LRRC4C: variants seen among roughly 807,000 people sequenced by gnomAD.
LRRC4C encodes the protein leucine-rich repeat-containing protein 4C.
In LRRC4C, 5 loss-of-function variants were observed where a neutral mutation model predicts 33.6. The ratio of observed to expected loss-of-function variants is 0.15; its 90% CI spans 0.08 to 0.31. The LOEUF is 0.31. Ranked by LOEUF, LRRC4C falls within the 10% of genes least tolerant of loss-of-function variation. The pLI, the probability that LRRC4C is intolerant of heterozygous loss-of-function variation, is 1.00. For synonymous variants in LRRC4C, 329 were observed against 302.0 expected (o/e 1.09, Z -0.93); for missense variants, 560 against 796.7 (o/e 0.70, Z 3.58).
chr11:40,952,663 C>T (rs181315615), intron 1 of LRRC4C, among the ~76,000 whole-genome samples: 10 of 152,020 alleles, frequency 6.6e-5, no homozygotes, highest in South Asian at 2.1e-4. Context: ...TCCAACAAGA[C>T]GCTCCAGGAG....
intron 1 of LRRC4C, among the ~76,000 whole-genome samples, chr11:41,187,649 C>G (rs1173285116): frequency 6.6e-6 from 1 of 152,224 alleles, no homozygotes; most frequent in Non-Finnish European, 1.5e-5. Context: ...AGAAAGCCCT[C>G]TGTCCTTGCA....
chr11:40,255,736 G>C (rs1707893576), intron 4 of LRRC4C, among the ~76,000 whole-genome samples: 1 of 152,096 alleles, frequency 6.6e-6, no homozygotes, highest in Admixed American at 6.6e-5. Flanking sequence ...TCTAGCCTTA[G>C]GATAAGAAGC....
At position 40,321,855 on chromosome 11, in the gene LRRC4C, A is replaced by G. The variant is rs1279191332; in HGVS notation, c.-269-2134T>C. Among the ~76,000 whole-genome samples the G allele has an allele frequency of 3.3e-5, 5 of 152,078 alleles. No homozygotes were observed. The East Asian group carries it at 5.8e-4, about 18-fold the overall frequency. On this transcript the variant is annotated intron_variant, in intron 3 of 6. Transcript: ENST00000528697. ...AAAATGATGTCTCCTCCTTCTTTCA[A>G]TCTGAGTTTTCTACTTGGTATTTAA...
chr11:40,156,498 G>C (rs1858700288), intron 5 of LRRC4C, among the ~76,000 whole-genome samples: 1 of 152,052 alleles, frequency 6.6e-6, no homozygotes, highest in Non-Finnish European at 1.5e-5. Context: ...ATTCAGCAAA[G>C]TTTCTGGATA....
intron 1 of LRRC4C, among the ~76,000 whole-genome samples, chr11:41,266,085 A>G (rs565607079): frequency 1.3e-5 from 2 of 152,182 alleles, no homozygotes; most frequent in South Asian, 4.1e-4. Flanking sequence ...TACTATGTTA[A>G]TTGGAGAGAG....
chr11:40,832,965 T>A (rs899436166), intron 2 of LRRC4C, among the ~76,000 whole-genome samples: 13 of 152,276 alleles, frequency 8.5e-5, no homozygotes, highest in African/African-American at 3.1e-4. Context: ...ATAAGGAGGT[T>A]TCACAAGACC....
chr11:40,690,450 T>C (rs1455963214), intron 2 of LRRC4C, among the ~76,000 whole-genome samples: 1 of 152,046 alleles, frequency 6.6e-6, no homozygotes, highest in Non-Finnish European at 1.5e-5. Context: ...CATCATCACT[T>C]GCAGTTATCA....
intron 1 of LRRC4C, among the ~76,000 whole-genome samples, chr11:41,348,032 T>G (rs1055927764): frequency 6.6e-6 from 1 of 152,196 alleles, no homozygotes; most frequent in Admixed American, 6.5e-5. Context: ...ATATAAACCT[T>G]CATCATTTAC....
At chr11:41,434,761 A>G (rs1380651059) in intron 1 of LRRC4C, among the ~76,000 whole-genome samples, 1 of 152,134 alleles carries the variant, frequency 6.6e-6, no homozygotes, top group Non-Finnish European at 1.5e-5. Context: ...TTCTCCCATC[A>G]ATATTAAGAG....
chr11:40,607,991 G>A (rs984946791), intron 3 of LRRC4C, among the ~76,000 whole-genome samples: 6 of 152,002 alleles, frequency 3.9e-5, no homozygotes, highest in African/African-American at 1.2e-4. Context: ...CCCTGCGAGG[G>A]GGATAAGGGA....
In LRRC4C at chr11:40,190,393, C is replaced by T. The variant is rs115452142; in HGVS notation, c.-95-49540G>A. 4.6e-3 allele frequency among the ~76,000 whole-genome samples: 693 copies of T among 152,264 alleles called. 6 individuals are homozygous for T. Among genetic ancestry groups the T allele is most frequent in the African/African-American group, 0.016 (671 of 41,544 alleles). On this transcript the variant is annotated intron_variant, in intron 5 of 6. Transcript: ENST00000528697. ...AATACTGGATGGATTTTTAAAAGCTCCTCCAGAAGATTCTCAGGTTCTGCC... is the reference window on the plus strand; with the variant it reads ...AATACTGGATGGATTTTTAAAAGCTTCTCCAGAAGATTCTCAGGTTCTGCC...
intron 2 of LRRC4C, among the ~76,000 whole-genome samples, chr11:40,733,969 T>C (rs11036047): frequency 0.16 from 24,054 of 152,140 alleles, 2,148 homozygotes; most frequent in Non-Finnish European, 0.2. Flanking sequence ...GGTACTATTA[T>C]CACTTTAGGT....
At chr11:41,087,498 T>C (rs1424557980) in intron 1 of LRRC4C, among the ~76,000 whole-genome samples, 2 of 152,110 alleles carry the variant, frequency 1.3e-5, no homozygotes, top group African/African-American at 2.4e-5. Flanking sequence ...TGGTATATGT[T>C]AGTAATTTTT....
At chr11:40,187,824 C>A (rs1197469090) in intron 5 of LRRC4C, among the ~76,000 whole-genome samples, 1 of 152,016 alleles carries the variant, frequency 6.6e-6, no homozygotes, top group African/African-American at 2.4e-5. Flanking sequence ...ACAGATGCAA[C>A]AGACACTCTC....
At chr11:40,211,225 A>C (rs966630317) in intron 5 of LRRC4C, among the ~76,000 whole-genome samples, 1 of 152,222 alleles carries the variant, frequency 6.6e-6, no homozygotes, top group Non-Finnish European at 1.5e-5. Flanking sequence ...ATATTAGATG[A>C]TATCTTGTGT....
At chr11:40,309,365 C>T (rs776881105) in intron 4 of LRRC4C, among the ~76,000 whole-genome samples, 8 of 152,150 alleles carry the variant, frequency 5.3e-5, no homozygotes, top group Non-Finnish European at 1.2e-4. Flanking sequence ...CAAGGTTCAT[C>T]TATGCCATAC....
intron 1 of LRRC4C, among the ~76,000 whole-genome samples, chr11:41,408,094 A>T (rs907178045): frequency 2.6e-5 from 4 of 152,158 alleles, no homozygotes; most frequent in African/African-American, 9.7e-5. Context: ...ATTAGTCTCA[A>T]TTTACAATTG....
At chr11:40,226,401 G>A (rs373335861) in intron 5 of LRRC4C, among the ~76,000 whole-genome samples, 16 of 152,262 alleles carry the variant, frequency 1.1e-4, no homozygotes, top group African/African-American at 3.4e-4. Flanking sequence ...AACTCCACTC[G>A]ATCCCAGAAT....
intron 2 of LRRC4C, among the ~76,000 whole-genome samples, chr11:40,714,858 A>G (rs10837483): frequency 0.56 from 85,127 of 152,008 alleles, 24,077 homozygotes; most frequent in African/African-American, 0.61. Flanking sequence ...AAATTACAGG[A>G]AAAATTGATT....
Sources: gnomAD v4.1 joint callset for allele counts (sites outside exome capture counted in the v4.1 genomes callset) on GRCh38, gnomAD v4.1.1 for gene constraint, MANE v1.5 for transcripts, NCBI Gene and HGNC (gene_info 2026-07-23, HGNC 2026-07-21) for gene names.